SAMSN1: variants seen among roughly 807,000 people sequenced by gnomAD.
SAMSN1 encodes SAM domain, SH3 domain and nuclear localization signals 1, also known as SAM domain-containing protein SAMSN-1.
In SAMSN1, 31 loss-of-function variants were observed where a neutral mutation model predicts 42.0. That is an observed-to-expected ratio of 0.74 (90% CI 0.55 to 1.00). SAMSN1 has a LOEUF of 1.00. SAMSN1 is among the 50% of genes least tolerant of loss of function. The pLI is 0.00. For missense variants in SAMSN1, 464 were observed against 439.4 expected (o/e 1.06, Z -0.50); for synonymous variants, 178 against 151.9 (o/e 1.17, Z -1.26).
intron 7 of SAMSN1, among the ~76,000 whole-genome samples, chr21:14,497,452 G>C (rs762491778): frequency 3.3e-5 from 5 of 152,026 alleles, no homozygotes; most frequent in Admixed American, 6.5e-5. Flanking sequence ...AAAATTAGCC[G>C]GGTGTGGTGG....
chr21:14,619,658 G>A (rs1038234045), intron 2 of SAMSN1: 2 of 326,326 alleles, frequency 6.1e-6, no homozygotes, highest in Non-Finnish European at 1.3e-5. Context: ...CTATCACAAA[G>A]TTCATGGCTG....
chr21:14,646,759 T>TA (rs1289274051), intron 1 of SAMSN1, among the ~76,000 whole-genome samples: 1 of 152,162 alleles, frequency 6.6e-6, no homozygotes, highest in Non-Finnish European at 1.5e-5. Context: ...AATGAAAAGT[T>TA]AAAAAGCAGG....
intron 1 of SAMSN1, among the ~76,000 whole-genome samples, chr21:14,526,311 T>C (rs1048598976): frequency 1.3e-5 from 2 of 152,228 alleles, no homozygotes; most frequent in African/African-American, 4.8e-5. Context: ...TTTTCTGATA[T>C]AAATATGTGC....
intron 6 of SAMSN1, among the ~76,000 whole-genome samples, chr21:14,594,284 A>G (rs982527608): frequency 6.6e-6 from 1 of 152,170 alleles, no homozygotes; most frequent in Non-Finnish European, 1.5e-5. Flanking sequence ...CAAATATGGA[A>G]TATGTGTATG....
intron 2 of SAMSN1, chr21:14,619,696 C>T: frequency 3.2e-6 from 1 of 316,704 alleles, no homozygotes; most frequent in Non-Finnish European, 6.7e-6. Context: ...GAGAGATTAG[C>T]AAGATAAAAT....
intron 2 of SAMSN1, among the ~76,000 whole-genome samples, chr21:14,627,496 A>G (rs1173524323): frequency 6.6e-6 from 1 of 152,178 alleles, no homozygotes; most frequent in Non-Finnish European, 1.5e-5. Context: ...CTCAAGATGG[A>G]AGCACTCAGA....
At chr21:14,497,021 C>T (rs183703865) in intron 7 of SAMSN1, among the ~76,000 whole-genome samples, 4 of 152,248 alleles carry the variant, frequency 2.6e-5, no homozygotes, top group East Asian at 3.9e-4. Context: ...CCCTAAATAA[C>T]GCTTTCCTCC....
At chr21:14,581,344 C>CTTTTTTGTTTTTTTTTTTTT (rs1981715773) in intron 2 of SAMSN1, among the ~76,000 whole-genome samples, 1 of 32,588 alleles carries the variant, frequency 3.1e-5, no homozygotes, top group African/African-American at 1.0e-4. Context: ...AATAATATTT[C>CTTTTTTGTTTTTTTTTTTTT]TTTTTTTTTT....
At chr21:14,555,922 C>T (rs11909750) in intron 2 of SAMSN1, among the ~76,000 whole-genome samples, 1 of 152,212 alleles carries the variant, frequency 6.6e-6, no homozygotes, top group African/African-American at 2.4e-5. Context: ...ACATAGTACA[C>T]CTCGTGTATA....
At chr21:14,490,668 T>C (rs1986644133) in intron 7 of SAMSN1, among the ~76,000 whole-genome samples, 1 of 152,190 alleles carries the variant, frequency 6.6e-6, no homozygotes, top group Admixed American at 6.5e-5. Context: ...AACCCACCTT[T>C]TGGAAACACA....
intron 2 of SAMSN1, among the ~76,000 whole-genome samples, chr21:14,641,388 A>G (rs1465547300): frequency 2.6e-5 from 4 of 152,166 alleles, no homozygotes; most frequent in African/African-American, 9.6e-5. Flanking sequence ...AGCCATTTTT[A>G]ATGCACCCAA....
rs987163292 is a variant in SAMSN1, at chr21:14,517,154, C to A, written c.130-113G>T. On this transcript the variant is annotated intron_variant, in intron 2 of 7. Transcript: ENST00000400566. ...TTGTGGATTTTGCATGCATTCTGTG[C>A]AGCAGCCTCCAAAATTTCTAACAAT... is the stretch of plus-strand genomic sequence containing the variant. 4.6e-5 allele frequency: 41 copies of A among 900,452 alleles called. No individual in the cohort carries two copies. In the South Asian group the frequency reaches 8.0e-4, roughly 18 times the overall value. The allele number at this position is 900,452 out of a possible 1,614,324, so 55.8% of individuals were successfully genotyped here.
Position 14,498,496 on chromosome 21 carries a change from G to A in SAMSN1, c.865C>T (p.Pro289Ser). 6.2e-7 allele frequency: 1 copy of A among 1,610,676 alleles called. No individual in the cohort carries two copies. The highest frequency in any genetic ancestry group is 1.1e-5 in the South Asian group (1 of 90,426). The change falls in exon 7 of 8, where the codon CCA (proline) becomes TCA (serine). Residue 289 changes from proline (P) to serine (S), a missense_variant. Physicochemically the swap from Pro to Ser is moderately conservative, Grantham distance 74. Transcript: ENST00000400566. Reference protein sequence around the residue: ...SHLIELNIENPDDRRRLLSAA... With the variant: ...SHLIELNIENSDDRRRLLSAA... ...GATAGTAACCTTCTTCTGTCATCTG[G>A]GTTTTCAATATTTAATTCAATGAGG...
chr21:14,520,103 T>G (rs759576111), intron 2 of SAMSN1, among the ~76,000 whole-genome samples: 1 of 152,230 alleles, frequency 6.6e-6, no homozygotes, highest in Non-Finnish European at 1.5e-5. Context: ...GCATTGTGCT[T>G]ATTTCATCGT....
At chr21:14,592,599 C>G (rs466913) in intron 7 of SAMSN1, 273,667 of 360,896 alleles carry the variant, frequency 0.76, 105,749 homozygotes, top group African/African-American at 0.92. Context: ...CATTTGACTA[C>G]ATAAGTATCT....
chr21:14,652,357 A>G (rs1983850159), intron 1 of SAMSN1, among the ~76,000 whole-genome samples: 1 of 152,098 alleles, frequency 6.6e-6, no homozygotes, highest in South Asian at 2.1e-4. Flanking sequence ...AGACCAATGT[A>G]AAAAATAGAG....
rs146907437 is a variant in SAMSN1 at position 14,596,629 on chromosome 21, G to C, written c.400-2551C>G. Among the ~76,000 whole-genome samples the C allele has an allele frequency of 1.5e-3, 235 of 152,176 alleles. 1 individual carries two copies. Among genetic ancestry groups the C allele is most frequent in the Middle Eastern group, 0.01 (3 of 294 alleles). On this transcript the variant is annotated intron_variant, in intron 6 of 15. Transcript: ENST00000647101. Reference sequence around the variant, plus strand: ...TTCTGTGTCTTAGATACTCACTCTGGGGAAACCAGATGACATTCTGCGAAG... The same window carrying C: ...TTCTGTGTCTTAGATACTCACTCTGCGGAAACCAGATGACATTCTGCGAAG...
intron 1 of SAMSN1, among the ~76,000 whole-genome samples, chr21:14,582,789 G>GA (rs1016636068): frequency 6.6e-6 from 1 of 151,704 alleles, no homozygotes. Context: ...AGATATTTGA[G>GA]AAAAAAATAC....
intron 1 of SAMSN1, among the ~76,000 whole-genome samples, chr21:14,649,200 C>T (rs1440647820): frequency 1.4e-5 from 2 of 146,640 alleles, no homozygotes; most frequent in East Asian, 4.1e-4. Context: ...CATATTCTCA[C>T]TCATAGGTGG....
Sources: gnomAD v4.1 joint callset for allele counts (sites outside exome capture counted in the v4.1 genomes callset) on GRCh38, gnomAD v4.1.1 for gene constraint, MANE v1.5 for transcripts, NCBI Gene and HGNC (gene_info 2026-07-23, HGNC 2026-07-21) for gene names.